The following KPNA3 variants were observed in gnomAD, a reference collection of about 807,000 sequenced individuals.
KPNA3 encodes the protein importin subunit alpha-4.
KPNA3 carries 13 observed loss-of-function variants against 73.8 expected under a neutral mutation model. That is an observed-to-expected ratio of 0.18 (90% CI 0.11 to 0.28). KPNA3 has a LOEUF of 0.28. Among genes scored for constraint, KPNA3 ranks in the 10% least tolerant of loss-of-function variants. The pLI is 1.00. For synonymous variants in KPNA3, 186 were observed against 206.9 expected, an observed-to-expected ratio of 0.90 and a Z score of 0.87; for missense variants, 360 against 618.1, an observed-to-expected ratio of 0.58 and a Z score of 4.43.
chr13:49,746,884 A>T lies in KPNA3; in HGVS notation c.114+65T>A. ...TTTGCCACAGTATTTTCATTATTCA[A>T]GATACACAGAATTTTAACATCAGAA... On this transcript the variant is annotated intron_variant, in intron 2 of 16. Coordinates refer to ENST00000261667, the MANE Select transcript of KPNA3 (RefSeq NM_002267.4). 3 of 1,198,006 alleles carry T rather than the reference A, an allele frequency of 2.5e-6. No individual in the cohort carries two copies. In the East Asian group the frequency reaches 7.0e-5, roughly 28 times the overall value. The allele number at this position is 1,198,006 out of a possible 1,614,324, so 74.2% of individuals were successfully genotyped here. A position where few individuals can be genotyped will look rare whatever the true frequency, so the allele number is the denominator to read the frequency against.
intron 1 of KPNA3, among the ~76,000 whole-genome samples, chr13:49,788,944 G>A (rs1481328854): frequency 2.6e-5 from 4 of 152,008 alleles, no homozygotes. Flanking sequence ...AAGAGAATTT[G>A]AAGGAGGAGG....
intron 1 of KPNA3, among the ~76,000 whole-genome samples, chr13:49,761,207 C>G (rs1402504744): frequency 6.6e-6 from 1 of 151,744 alleles, no homozygotes; most frequent in Admixed American, 6.6e-5. Flanking sequence ...GGTCCCTCTC[C>G]CTCTCCCTCT....
At chr13:49,721,842 A>C (rs1954362151) in intron 9 of KPNA3, 113 bp downstream of exon 9, 11 of 696,834 alleles carry the variant, frequency 1.6e-5, no homozygotes, top group Non-Finnish European at 2.4e-5. Context: ...CAAACAAAAA[A>C]CTCACACCTG....
chr13:49,754,411 A>G (rs1021466967), intron 1 of KPNA3, among the ~76,000 whole-genome samples: 9 of 152,166 alleles, frequency 5.9e-5, no homozygotes, highest in African/African-American at 2.2e-4. Flanking sequence ...AGCAGAAAAG[A>G]GGTTAAAGCA....
intron 10 of KPNA3, among the ~76,000 whole-genome samples, chr13:49,714,436 T>C (rs894749047): frequency 6.6e-6 from 1 of 152,164 alleles, no homozygotes; most frequent in African/African-American, 2.4e-5. Flanking sequence ...CTGCACACTT[T>C]AATGCAAGTA....
chr13:49,778,047 T>C (rs1395142444), intron 1 of KPNA3, among the ~76,000 whole-genome samples: 1 of 152,180 alleles, frequency 6.6e-6, no homozygotes, highest in African/African-American at 2.4e-5. Flanking sequence ...GAAACTACCA[T>C]ATGTCTTACC....
At chr13:49,775,226 A>G (rs1954888541) in intron 1 of KPNA3, among the ~76,000 whole-genome samples, 1 of 151,982 alleles carries the variant, frequency 6.6e-6, no homozygotes, top group Non-Finnish European at 1.5e-5. Flanking sequence ...ATTTTTGACA[A>G]ACACTAAGCA....
At chr13:49,790,275 T>C (rs1955021864) in intron 1 of KPNA3, among the ~76,000 whole-genome samples, 1 of 152,124 alleles carries the variant, frequency 6.6e-6, no homozygotes, top group Non-Finnish European at 1.5e-5. Flanking sequence ...AAGACAAGCT[T>C]GGGCAACAAA....
intron 1 of KPNA3, among the ~76,000 whole-genome samples, chr13:49,766,997 A>AT (rs199591606): frequency 0.03 from 3,588 of 118,364 alleles, 53 homozygotes; most frequent in East Asian, 0.064. Flanking sequence ...TCAAGTTAGG[A>AT]TTTTTTTTTT....
At chr13:49,752,942 G>C (rs982441479) in intron 1 of KPNA3, among the ~76,000 whole-genome samples, 4 of 146,374 alleles carry the variant, frequency 2.7e-5, no homozygotes, top group African/African-American at 1.0e-4. Flanking sequence ...CAGGAGAATG[G>C]CATGAACCCG....
At chr13:49,783,124 C>T (rs138381545) in intron 1 of KPNA3, among the ~76,000 whole-genome samples, 3 of 151,882 alleles carry the variant, frequency 2.0e-5, no homozygotes, top group African/African-American at 7.2e-5. Context: ...AAAGCAAAAC[C>T]CAATATCCAT....
At position 49,771,666 on chromosome 13, in the gene KPNA3, CTTAT is replaced by C. The variant is rs1954856613; in HGVS notation, c.69+20768_69+20771del. Among the ~76,000 whole-genome samples, 4 of 152,196 alleles carry C rather than the reference CTTAT, an allele frequency of 2.6e-5. No homozygotes were observed. The South Asian group carries it at 8.3e-4, about 32-fold the overall frequency. ...TTTGAGACAGGGTCTCACTCTGTTG[CTTAT>C]TTAGTCTCACCCAGGCTGGAGGCTC... On this transcript the variant is annotated intron_variant, in intron 1 of 16. Coordinates refer to ENST00000261667, the MANE Select transcript of KPNA3 (RefSeq NM_002267.4).
intron 1 of KPNA3, among the ~76,000 whole-genome samples, chr13:49,768,820 T>A (rs972755785): frequency 1.3e-5 from 2 of 152,186 alleles, no homozygotes; most frequent in African/African-American, 4.8e-5. Flanking sequence ...TTTGGACAGA[T>A]CTTATATGCG....
intron 1 of KPNA3, among the ~76,000 whole-genome samples, chr13:49,752,799 C>T (rs896840141): frequency 3.2e-4 from 48 of 151,856 alleles, no homozygotes; most frequent in African/African-American, 1.0e-3. Flanking sequence ...GAGGCCGAGG[C>T]GGGCGGATCA....
At chr13:49,730,413 A>T (rs1441344790) in intron 6 of KPNA3, among the ~76,000 whole-genome samples, 1 of 150,026 alleles carries the variant, frequency 6.7e-6, no homozygotes, top group Non-Finnish European at 1.5e-5. Context: ...CAGCTACTCA[A>T]AGAGGCTGAG....
intron 1 of KPNA3, among the ~76,000 whole-genome samples, chr13:49,758,831 G>A (rs748631314): frequency 2.0e-4 from 30 of 152,020 alleles, no homozygotes; most frequent in Non-Finnish European, 3.1e-4. Context: ...ACCCCAAGAT[G>A]TCTACTTGGA....
intron 10 of KPNA3, among the ~76,000 whole-genome samples, chr13:49,716,500 G>A (rs889586712): frequency 2.2e-4 from 34 of 151,690 alleles, no homozygotes; most frequent in Non-Finnish European, 8.8e-5. Flanking sequence ...GTGCAGTGGC[G>A]TGATCTCGGT....
chr13:49,734,822 TATTC>T (rs1370435411), intron 2 of KPNA3, among the ~76,000 whole-genome samples: 4 of 152,130 alleles, frequency 2.6e-5, no homozygotes, highest in Admixed American at 6.5e-5. Context: ...TTCTTGTGTT[TATTC>T]ATTACTAAGA....
At chr13:49,706,693 CTG>C (rs1271828845) in intron 12 of KPNA3, among the ~76,000 whole-genome samples, 1 of 152,122 alleles carries the variant, frequency 6.6e-6, no homozygotes, top group African/African-American at 2.4e-5. Flanking sequence ...GCTTACATGT[CTG>C]TGCATTAGCT....
Sources: allele counts gnomAD v4.1 joint callset (sites outside exome capture counted in the v4.1 genomes callset), GRCh38; gene constraint gnomAD v4.1.1; transcripts MANE v1.5; gene names NCBI Gene and HGNC (gene_info 2026-07-23, HGNC 2026-07-21).